The following ULK4 variants were observed in gnomAD, a reference collection of about 807,000 sequenced individuals.
The protein encoded by ULK4 is unc-51 like kinase 4.
In ULK4, 133 loss-of-function variants were observed where a neutral mutation model predicts 160.6. The ratio of observed to expected loss-of-function variants is 0.83; its 90% confidence interval spans 0.72 to 0.96. ULK4 has a LOEUF of 0.96. Among genes scored for constraint, ULK4 ranks in the 40% least tolerant of loss-of-function variants. ULK4 has a pLI of 0.00. For missense variants in ULK4, 1,580 were observed against 1,499.5 expected (o/e 1.05, Z -0.89); for synonymous variants, 534 against 539.8 (o/e 0.99, Z 0.15).
chr3:41,500,817 A>G (rs2085177429), intron 32 of ULK4, among the ~76,000 whole-genome samples: 1 of 152,094 alleles, frequency 6.6e-6, no homozygotes, highest in African/African-American at 2.4e-5. Flanking sequence ...TACTCCTCTT[A>G]CTATGTGTGA....
intron 11 of ULK4, 74 bp downstream of exon 11, chr3:41,911,243 C>A: frequency 7.0e-7 from 1 of 1,425,456 alleles, no homozygotes; most frequent in Non-Finnish European, 9.8e-7. Flanking sequence ...ACAAAGTTTG[C>A]ACCAAGATAG....
intron 5 of ULK4, among the ~76,000 whole-genome samples, chr3:41,926,137 AGC>A (rs1410589329): frequency 6.6e-6 from 1 of 152,214 alleles, no homozygotes; most frequent in Non-Finnish European, 1.5e-5. Context: ...TCCAGGACGA[AGC>A]TTCCAGAGGA....
At chr3:41,687,636 T>C (rs182955198) in intron 27 of ULK4, among the ~76,000 whole-genome samples, 2 of 152,266 alleles carry the variant, frequency 1.3e-5, no homozygotes, top group East Asian at 3.9e-4. Flanking sequence ...CATATAAGGA[T>C]ATAAGGGTGA....
At chr3:41,758,541 G>A (rs879846711) in intron 21 of ULK4, among the ~76,000 whole-genome samples, 4 of 152,128 alleles carry the variant, frequency 2.6e-5, no homozygotes, top group Non-Finnish European at 4.4e-5. Flanking sequence ...AATAAAACTT[G>A]ATGACCAAGT....
At chr3:41,538,371 G>A (rs1052262436) in intron 32 of ULK4, among the ~76,000 whole-genome samples, 1 of 151,932 alleles carries the variant, frequency 6.6e-6, no homozygotes, top group African/African-American at 2.4e-5. Context: ...TTCTACAATG[G>A]TCCTTACATT....
chr3:41,603,812 G>A (rs2032236093), intron 31 of ULK4, among the ~76,000 whole-genome samples: 2 of 152,018 alleles, frequency 1.3e-5, no homozygotes, highest in African/African-American at 4.8e-5. Context: ...ATTTAAGAAA[G>A]CGTTAACAGA....
chr3:41,506,956 T>C (rs1424567742), intron 32 of ULK4, among the ~76,000 whole-genome samples: 2 of 148,954 alleles, frequency 1.3e-5, no homozygotes, highest in Admixed American at 6.7e-5. Context: ...ACAGCCAGAG[T>C]GAACATCCCA....
intron 35 of ULK4, among the ~76,000 whole-genome samples, chr3:41,318,755 G>C (rs535822900): frequency 2.6e-4 from 40 of 152,276 alleles, no homozygotes; most frequent in South Asian, 1.7e-3. Flanking sequence ...TGAGGTCAGA[G>C]CAATTCTAGA....
At chr3:41,733,825 C>G (rs2037922554) in intron 22 of ULK4, among the ~76,000 whole-genome samples, 1 of 150,788 alleles carries the variant, frequency 6.6e-6, no homozygotes, top group African/African-American at 2.4e-5. Context: ...ACCTCCACCT[C>G]CCGGGTTCAA....
intron 2 of ULK4, among the ~76,000 whole-genome samples, chr3:41,943,625 C>G (rs755283816): frequency 6.6e-6 from 1 of 152,156 alleles, no homozygotes; most frequent in Non-Finnish European, 1.5e-5. Flanking sequence ...CCTCTCCTAC[C>G]TCCTAACTGA....
At chr3:41,831,031 T>TATTG (rs753382442) in intron 18 of ULK4, among the ~76,000 whole-genome samples, 1 of 151,144 alleles carries the variant, frequency 6.6e-6, no homozygotes, top group Non-Finnish European at 1.5e-5. Flanking sequence ...TTTATTTATT[T>TATTG]ATTGATTTAT....
At chr3:41,324,750 A>G (rs1438650623) in intron 35 of ULK4, among the ~76,000 whole-genome samples, 2 of 152,108 alleles carry the variant, frequency 1.3e-5, no homozygotes, top group African/African-American at 2.4e-5. Context: ...CTGGGCCTCC[A>G]CCTGCCAGCA....
At chr3:41,257,122 T>C (rs2078850222) in intron 35 of ULK4, among the ~76,000 whole-genome samples, 1 of 152,138 alleles carries the variant, frequency 6.6e-6, no homozygotes, top group Non-Finnish European at 1.5e-5. Flanking sequence ...AGAAGATATA[T>C]GGGTGGCAAA....
Position 41,813,618 on chromosome 3 carries a change from G to A in ULK4, c.1848+5805C>T, listed in dbSNP as rs1309763327. ...TAGACACTAATTACCTAAACAAGGA[G>A]CAAGTAAGTTAAATCTCTTGGATTT... On this transcript the variant is annotated intron_variant, in intron 19 of 36. Transcript: ENST00000301831. Among the ~76,000 whole-genome samples, 7 of 152,284 alleles carry A rather than the reference G, an allele frequency of 4.6e-5. No individual in the cohort carries two copies. The South Asian group carries it at 8.3e-4, about 18-fold the overall frequency.
At chr3:41,655,688 C>T (rs2034913851) in intron 30 of ULK4, among the ~76,000 whole-genome samples, 1 of 152,060 alleles carries the variant, frequency 6.6e-6, no homozygotes, top group Non-Finnish European at 1.5e-5. Flanking sequence ...GCCTGGGCAA[C>T]ATTTGAATGA....
chr3:41,906,236 A>AAAAAT (rs1698555057), intron 12 of ULK4, among the ~76,000 whole-genome samples: 1 of 151,052 alleles, frequency 6.6e-6, no homozygotes, highest in South Asian at 2.1e-4. Flanking sequence ...AAAAAAAAAA[A>AAAAAT]AGTTAAGGCC....
At chr3:41,277,710 C>T (rs1221912677) in intron 35 of ULK4, 1 of 152,178 alleles carries the variant, frequency 6.6e-6, no homozygotes, top group Admixed American at 6.5e-5. Flanking sequence ...CCCACTCTCA[C>T]CACTCCTCTT....
intron 1 of ULK4, chr3:41,955,736 G>A (rs911184197): frequency 2.7e-5 from 4 of 149,846 alleles, no homozygotes; most frequent in Non-Finnish European, 5.9e-5. Context: ...TGCCCGCCAT[G>A]AAGAAAGTGG....
chr3:41,951,804 T>C (rs1485871389), intron 2 of ULK4, among the ~76,000 whole-genome samples: 1 of 152,180 alleles, frequency 6.6e-6, no homozygotes, highest in African/African-American at 2.4e-5. Context: ...ATTAGTGTCC[T>C]TAGAATACAG....
Sources: gnomAD v4.1 joint callset for allele counts (sites outside exome capture counted in the v4.1 genomes callset) on GRCh38, gnomAD v4.1.1 for gene constraint, MANE v1.5 for transcripts, NCBI Gene and HGNC (gene_info 2026-07-23, HGNC 2026-07-21) for gene names.